The following ISM1 variants were observed in gnomAD, a reference collection of about 807,000 sequenced individuals.
ISM1 encodes the protein isthmin 1.
Under a neutral mutation model 46.3 loss-of-function variants are expected in ISM1, and 25 were observed. That is an observed-to-expected ratio of 0.54 (90% CI 0.39 to 0.75). The LOEUF (loss-of-function observed/expected upper bound fraction) is 0.75, where lower values mean the gene tolerates loss of function less well. Ranked by LOEUF, ISM1 falls within the 30% of genes least tolerant of loss-of-function variation. The pLI is 0.00. For synonymous variants in ISM1, 255 were observed against 256.7 expected, an observed-to-expected ratio of 0.99 and a Z score of 0.06; for missense variants, 536 against 625.4, an observed-to-expected ratio of 0.86 and a Z score of 1.52.
chr20:13,241,402 A>T (rs1017097617), intron 1 of ISM1, among the ~76,000 whole-genome samples: 12 of 152,228 alleles, frequency 7.9e-5, no homozygotes, highest in African/African-American at 2.9e-4. Context: ...GAACGATCCA[A>T]TAGAAAGGGA....
At position 13,221,746 on chromosome 20, in the gene ISM1, G is replaced by C; in HGVS notation, c.-31G>C. ...CACCGCCGCCGCCGCCGGCCGCCGCGCCGGGTCCTAAAGCCGCGCGTCTCA... is the reference window on the plus strand; with the variant it reads ...CACCGCCGCCGCCGCCGGCCGCCGCCCCGGGTCCTAAAGCCGCGCGTCTCA... On this transcript the variant is annotated 5_prime_UTR_variant, in exon 1 of 6. Coordinates refer to ENST00000262487, the MANE Select transcript of ISM1 (RefSeq NM_080826.2). The C allele has an allele frequency of 7.3e-7, 1 of 1,368,246 alleles. No individual in the cohort carries two copies. The highest frequency in any genetic ancestry group is 3.2e-5 in the Admixed American group (1 of 30,826). 84.8% of individuals were successfully genotyped at this position (1,368,246 alleles called of 1,614,324 possible).
intron 1 of ISM1, among the ~76,000 whole-genome samples, chr20:13,245,831 A>G (rs2039786145): frequency 6.6e-6 from 1 of 152,188 alleles, no homozygotes; most frequent in Non-Finnish European, 1.5e-5. Context: ...GGAACTCCAT[A>G]TCTGGAACTG....
intron 1 of ISM1, 52 bp from the exon 2 acceptor site, chr20:13,270,452 T>G: frequency 6.4e-7 from 1 of 1,556,648 alleles, no homozygotes; most frequent in Non-Finnish European, 8.7e-7. Flanking sequence ...AAGGGTGACA[T>G]TTTTTAATCA....
At chr20:13,295,765 T>C (rs1189409836) in intron 5 of ISM1, among the ~76,000 whole-genome samples, 1 of 152,208 alleles carries the variant, frequency 6.6e-6, no homozygotes, top group African/African-American at 2.4e-5. Flanking sequence ...AAAAGTTGCC[T>C]GTTGGAGGAG....
At chr20:13,229,420 A>G (rs956840493) in intron 1 of ISM1, among the ~76,000 whole-genome samples, 8 of 152,214 alleles carry the variant, frequency 5.3e-5, no homozygotes, top group Non-Finnish European at 7.3e-5. Flanking sequence ...ATGGAAATGT[A>G]CTTTTTGCAT....
At chr20:13,275,424 T>C (rs1483623098) in intron 2 of ISM1, among the ~76,000 whole-genome samples, 1 of 152,162 alleles carries the variant, frequency 6.6e-6, no homozygotes, top group Non-Finnish European at 1.5e-5. Context: ...GCCCAAGACA[T>C]GGACCCATGC....
chr20:13,323,842 T>A, the ISM1 span, among the ~76,000 whole-genome samples: 80 of 152,332 alleles, frequency 5.3e-4, no homozygotes, highest in Middle Eastern at 3.4e-3. Context: ...AATCATTGGT[T>A]TATTCTTTCA....
At chr20:13,311,822 A>T in the ISM1 span, among the ~76,000 whole-genome samples, 2 of 152,218 alleles carry the variant, frequency 1.3e-5, no homozygotes, top group African/African-American at 4.8e-5. Flanking sequence ...TGTTAGTTAA[A>T]GTGTACAAAG....
At chr20:13,319,175 A>C in the ISM1 span, among the ~76,000 whole-genome samples, 4 of 152,164 alleles carry the variant, frequency 2.6e-5, no homozygotes, top group African/African-American at 9.7e-5. Flanking sequence ...TGAAACTAAA[A>C]ATGCTCTGAA....
downstream of ISM1, among the ~76,000 whole-genome samples, chr20:13,305,463 G>A (rs753389749): frequency 2.0e-5 from 3 of 152,300 alleles, no homozygotes; most frequent in East Asian, 1.9e-4. Context: ...CCCAGGAAGT[G>A]TTGTGGGGCG....
the ISM1 span, among the ~76,000 whole-genome samples, chr20:13,317,599 G>C: frequency 2.0e-5 from 3 of 152,070 alleles, no homozygotes; most frequent in African/African-American, 7.2e-5. Flanking sequence ...TAGGCAAATA[G>C]ATCAATGGAA....
At chr20:13,240,991 G>A (rs1429246978) in intron 1 of ISM1, among the ~76,000 whole-genome samples, 1 of 152,210 alleles carries the variant, frequency 6.6e-6, no homozygotes, top group African/African-American at 2.4e-5. Context: ...GGAGCTGAGA[G>A]TGAGGTGTCA....
intron 1 of ISM1, among the ~76,000 whole-genome samples, chr20:13,236,764 G>A (rs188234016): frequency 7.2e-4 from 109 of 152,300 alleles, no homozygotes; most frequent in African/African-American, 2.4e-3. Flanking sequence ...ATCCAGCAGG[G>A]CAGTTAAATT....
intron 1 of ISM1, among the ~76,000 whole-genome samples, chr20:13,230,353 C>G (rs2039575110): frequency 1.3e-5 from 2 of 152,144 alleles, no homozygotes; most frequent in Admixed American, 6.5e-5. Flanking sequence ...CAAGAAACTT[C>G]TCCTGTAGAA....
chr20:13,252,623 C>G (rs759514223), intron 1 of ISM1, among the ~76,000 whole-genome samples: 1 of 152,010 alleles, frequency 6.6e-6, no homozygotes, highest in African/African-American at 2.4e-5. Context: ...GGTGTGGTGG[C>G]GTGCACCTGT....
intron 1 of ISM1, among the ~76,000 whole-genome samples, chr20:13,258,511 A>T (rs1383750529): frequency 2.6e-5 from 4 of 152,102 alleles, no homozygotes; most frequent in Non-Finnish European, 5.9e-5. Context: ...CCCTGCTCAG[A>T]CTCAAACTGA....
chr20:13,308,454 T>C, the ISM1 span, among the ~76,000 whole-genome samples: 5 of 152,300 alleles, frequency 3.3e-5, no homozygotes, highest in Non-Finnish European at 7.3e-5. Context: ...TATGGTGTTA[T>C]GAATTGAACA....
chr20:13,311,409 T>C, the ISM1 span, among the ~76,000 whole-genome samples: 1,044 of 152,282 alleles, frequency 6.9e-3, 9 homozygotes, highest in Non-Finnish European at 0.011. Flanking sequence ...AGAACTACCA[T>C]GTAATCTAGC....
downstream of ISM1, among the ~76,000 whole-genome samples, chr20:13,305,471 G>A (rs2040492900): frequency 6.6e-6 from 1 of 152,126 alleles, no homozygotes; most frequent in Non-Finnish European, 1.5e-5. Flanking sequence ...GTGTTGTGGG[G>A]CGGGGATTAG....
Sources: gnomAD v4.1 joint callset for allele counts (sites outside exome capture counted in the v4.1 genomes callset) on GRCh38, gnomAD v4.1.1 for gene constraint, MANE v1.5 for transcripts, NCBI Gene and HGNC (gene_info 2026-07-23, HGNC 2026-07-21) for gene names.